Variants in ZNF692 observed in about 807,000 individuals in gnomAD.
The protein encoded by ZNF692 is zinc finger protein 692.
Under a neutral mutation model 49.0 loss-of-function variants are expected in ZNF692, and 41 were observed. The ratio of observed to expected loss-of-function variants is 0.84; its 90% confidence interval spans 0.65 to 1.08. The LOEUF (loss-of-function observed/expected upper bound fraction) is 1.08, where lower values mean the gene tolerates loss of function less well. Ranked by LOEUF, ZNF692 falls within the 50% of genes least tolerant of loss-of-function variation. The probability of loss-of-function intolerance (pLI) is 0.00; values close to 1 mark genes in which losing one functional copy is unlikely to be tolerated. For missense variants in ZNF692, 662 were observed against 662.2 expected (o/e 1.00, Z 0.00); for synonymous variants, 288 against 251.5 (o/e 1.15, Z -1.37).
chr1:248,853,505 A>T (rs944677895), intron 10 of ZNF692, among the ~76,000 whole-genome samples: 4 of 151,998 alleles, frequency 2.6e-5, no homozygotes, highest in African/African-American at 9.7e-5. Context: ...GATACCACCT[A>T]AGGGCCCTTC....
At chr1:248,857,734 C>G in intron 3 of ZNF692, 94 bp downstream of exon 3, 2 of 1,544,678 alleles carry the variant, frequency 1.3e-6, no homozygotes, top group Non-Finnish European at 1.8e-6. Context: ...CCTTCCCAAA[C>G]TTACTCAGGG....
Position 248,858,851 on chromosome 1 carries a change from TAATCC to T in ZNF692, c.-13+62_-13+66del, listed in dbSNP as rs1572242377. ...AATGCTGACAGTGAGTGGAGCGGAC[TAATCC>T]CAATGGCAGTTCCCAGGCTGCCCAG... On this transcript the variant is annotated intron_variant, in intron 1 of 11. Transcript: ENST00000306601. The surrounding 1 kb of genome is among the most constrained non-coding windows in gnomAD (Gnocchi z 4.3). 6.4e-6 allele frequency: 3 copies of T among 468,352 alleles called. No individual in the cohort carries two copies. In the East Asian group the frequency reaches 1.2e-4, roughly 19 times the overall value. 29.0% of individuals were successfully genotyped at this position (468,352 alleles called of 1,614,324 possible). A position where few individuals can be genotyped will look rare whatever the true frequency, so the allele number is the denominator to read the frequency against.
chr1:248,850,408 G>C lies in ZNF692; in HGVS notation c.1362C>G (p.Gly454=). Residue 454 remains glycine, a synonymous_variant, in exon 12 of 12, where the codon GGC becomes GGG. Transcript: ENST00000306601. ...CACTGTCTGGCTTCTCAAAGCGCTT[G>C]CCGCAGAATTCACAGGGGAAGCGCA... The part of the protein sequence containing the change: ...AALRFPCEFC[G]KRFEKPDSVA... The C allele has an allele frequency of 6.2e-7, 1 of 1,614,160 alleles. No homozygotes were observed. Among genetic ancestry groups the C allele is most frequent in the South Asian group, 1.1e-5 (1 of 91,086 alleles).
chr1:248,857,719 C>G, intron 3 of ZNF692, 109 bp downstream of exon 3: 4 of 1,521,454 alleles, frequency 2.6e-6, no homozygotes, highest in Non-Finnish European at 3.5e-6. Context: ...CCCAACTCAC[C>G]CCACCCTTCC....
rs777187560 is a variant in ZNF692 at position 248,856,414 on chromosome 1, C to G, written c.533G>C (p.Gly178Ala). Residue 178 changes from glycine to alanine, a missense_variant, in exon 6 of 12, where the codon GGA (glycine) becomes GCA (alanine). Physicochemically the swap from Gly to Ala is moderately conservative, Grantham distance 60 (BLOSUM62 0). Coordinates refer to ENST00000306601, the MANE Select transcript of ZNF692 (RefSeq NM_017865.4). ...AGGTGGGAAGGTCTCTGGTGGGGGTCCCACCCTCCTGCAGGCCCAAAGAAG... is the reference window on the plus strand; with the variant it reads ...AGGTGGGAAGGTCTCTGGTGGGGGTGCCACCCTCCTGCAGGCCCAAAGAAG... ...TQEARLPRRV[G>A]PPPETFPPPG... 1 of 1,613,496 alleles carries G rather than the reference C, an allele frequency of 6.2e-7. No individual in the cohort carries two copies. The highest frequency in any genetic ancestry group is 8.5e-7 in the Non-Finnish European group (1 of 1,179,590).
intron 10 of ZNF692, among the ~76,000 whole-genome samples, chr1:248,853,601 G>C (rs898727000): frequency 6.6e-6 from 1 of 152,136 alleles, no homozygotes; most frequent in Admixed American, 6.5e-5. Context: ...TTCTACAATA[G>C]CAACTCCTCC....
chr1:248,852,253 C>A (rs1022566695), intron 10 of ZNF692, among the ~76,000 whole-genome samples: 1 of 152,214 alleles, frequency 6.6e-6, no homozygotes, highest in Non-Finnish European at 1.5e-5. Flanking sequence ...GCCTCCAACA[C>A]CCCCAGCCTA....
chr1:248,856,666 T>A (rs180723128), intron 4 of ZNF692, 104 bp from the exon 5 acceptor site: 44 of 1,388,714 alleles, frequency 3.2e-5, no homozygotes, highest in South Asian at 1.6e-4. Flanking sequence ...CTTTTTTTTT[T>A]AAATAGAGAC....
Position 248,858,216 on chromosome 1 carries a change from C to A in ZNF692, c.94G>T (p.Gly32Cys). The A allele has an allele frequency of 1.3e-6, 2 of 1,592,920 alleles. No individual in the cohort carries two copies. The highest frequency in any genetic ancestry group is 1.1e-5 in the South Asian group (1 of 90,244). Residue 32 changes from glycine to cysteine, a missense_variant, in exon 2 of 12, where the codon GGC becomes TGC. Physicochemically the swap from Gly to Cys is radical, Grantham distance 159 (BLOSUM62 -3). Coordinates refer to ENST00000306601, the MANE Select transcript of ZNF692 (RefSeq NM_017865.4). This position sits in a 1 kb window ranked among gnomAD's most constrained non-coding sequence, Gnocchi z 4.3. ...AGGCACCACTGCTCCATGTGGCCGC[C>A]CAGGCGGATGCGGCACTTGCTGCGG... Reference protein sequence around the residue: ...ARRSKCRIRLGGHMEQWCLLK... With the variant: ...ARRSKCRIRLCGHMEQWCLLK...
Position 248,858,360 on chromosome 1 carries a change from C to T in ZNF692, c.-12-39G>A, listed in dbSNP as rs1002178502. On this transcript the variant is annotated intron_variant, in intron 1 of 11. Transcript: ENST00000306601. The surrounding 1 kb of genome is among the most constrained non-coding windows in gnomAD (Gnocchi z 4.3). ...GGGACGTCTTCAGCGCCCTGCCGAT[C>T]TCGGGGGTCGGGGACCCGGCTCCAC... 4 of 1,528,210 alleles carry T rather than the reference C, an allele frequency of 2.6e-6. No homozygotes were observed. The African/African-American group carries it at 4.1e-5, about 16-fold the overall frequency. 94.7% of individuals were successfully genotyped at this position (1,528,210 alleles called of 1,614,324 possible).
chr1:248,858,712 G>A lies in ZNF692; in HGVS notation c.-13+206C>T, dbSNP rs1017834857. 2.8e-6 allele frequency: 2 copies of A among 718,878 alleles called. No individual in the cohort carries two copies. Among genetic ancestry groups the A allele is most frequent in the African/African-American group, 3.5e-5 (2 of 56,912 alleles). The allele number at this position is 718,878 out of a possible 1,614,324, so 44.5% of individuals were successfully genotyped here. A position where few individuals can be genotyped will look rare whatever the true frequency, so the allele number is the denominator to read the frequency against. ...CTGGTTTCTAGGGGAAGGAAAGGTC[G>A]TGTCCTGGCGTGCAGCTGGGGGCGC... On this transcript the variant is annotated intron_variant, in intron 1 of 11. Coordinates refer to ENST00000306601, the MANE Select transcript of ZNF692 (RefSeq NM_017865.4). The surrounding 1 kb of genome is among the most constrained non-coding windows in gnomAD (Gnocchi z 4.3).
At position 248,858,944 on chromosome 1, in the gene ZNF692, C is replaced by T. The variant is rs959197727; in HGVS notation, c.-39G>A. On this transcript the variant is annotated 5_prime_UTR_variant, in exon 1 of 12. Transcript: ENST00000306601. The surrounding 1 kb of genome is among the most constrained non-coding windows in gnomAD (Gnocchi z 4.3). ...TGTGCGCCCCCACGCGCCCTCACCC[C>T]CACTGCGCCTGCGCCTGCGCCTCCC... The T allele has an allele frequency of 4.8e-6, 1 of 209,450 alleles. No homozygotes were observed. Among genetic ancestry groups the T allele is most frequent in the Non-Finnish European group, 9.9e-6 (1 of 101,474 alleles). 13.0% of individuals were successfully genotyped at this position (209,450 alleles called of 1,614,324 possible).
At chr1:248,854,988 T>C (rs529405384) in intron 9 of ZNF692, among the ~76,000 whole-genome samples, 61 of 152,274 alleles carry the variant, frequency 4.0e-4, no homozygotes, top group African/African-American at 1.3e-3. Context: ...TTGGACCCCT[T>C]GCCTTCTGTG....
In ZNF692 at chr1:248,850,387, G is replaced by C. The variant is rs529132580; in HGVS notation, c.1383C>G (p.Asp461Glu). 1.9e-5 allele frequency: 31 copies of C among 1,614,012 alleles called. No homozygotes were observed. The highest frequency in any genetic ancestry group is 2.6e-5 in the Non-Finnish European group (31 of 1,180,022). Residue 461 changes from aspartate (D) to glutamate (E), a missense_variant, in exon 12 of 12, where the codon GAC becomes GAG. By Grantham distance (45) the Asp-to-Glu change is conservative (BLOSUM62 2). Coordinates refer to ENST00000306601, the MANE Select transcript of ZNF692 (RefSeq NM_017865.4). ...TTTTGCTACGGTGGGCTGCAACACT[G>C]TCTGGCTTCTCAAAGCGCTTGCCGC... ...EFCGKRFEKP[D>E]SVAAHRSKSH... is the part of the protein sequence containing the mutation.
At chr1:248,851,030 C>T in intron 10 of ZNF692, 1 of 640,528 alleles carries the variant, frequency 1.6e-6, no homozygotes, top group East Asian at 3.2e-5. Context: ...GCCCGCCAAT[C>T]CCACTCAAAC....
At position 248,850,680 on chromosome 1, in the gene ZNF692, A is replaced by C. The variant is rs913581797; in HGVS notation, c.1253+2T>G. On this transcript the variant is annotated splice_donor_variant, in intron 11 of 11. Transcript: ENST00000306601. LOFTEE classifies it high-confidence loss of function. ...GCCCTCAGACCCCACCCCAGCACTC[A>C]CTGCAGGGGTTTTTCTCCAGTGTGG... The C allele has an allele frequency of 6.2e-7, 1 of 1,613,616 alleles. No individual in the cohort carries two copies. Among genetic ancestry groups the C allele is most frequent in the Non-Finnish European group, 8.5e-7 (1 of 1,179,826 alleles).
rs757178990 is a variant in ZNF692 at position 248,857,327 on chromosome 1, G to A, written c.382C>T (p.Pro128Ser). ...GGCTTGGGTGCCTCTGAAGGTGTAG[G>A]GCTCAAAGAGGGTCCCCAGGAGAAG... is the stretch of plus-strand genomic sequence containing the variant. ...HTFSWGPSLS[P>S]TPSEAPKPAS... The change falls in exon 4 of 12, where the codon CCT becomes TCT. Residue 128 changes from proline to serine, a missense_variant. Coordinates refer to ENST00000306601, the MANE Select transcript of ZNF692 (RefSeq NM_017865.4). 1 of 1,613,868 alleles carries A rather than the reference G, an allele frequency of 6.2e-7. No individual in the cohort carries two copies. Among genetic ancestry groups the A allele is most frequent in the Non-Finnish European group, 8.5e-7 (1 of 1,179,992 alleles).
intron 9 of ZNF692, 34 bp from the exon 10 acceptor site, chr1:248,854,085 G>C (rs986710386): frequency 1.9e-6 from 3 of 1,543,732 alleles, no homozygotes; most frequent in East Asian, 4.5e-5. Context: ...GGAGAGAAGA[G>C]GCAAAAGGAT....
At position 248,850,456 on chromosome 1, in the gene ZNF692, C is replaced by T; in HGVS notation, c.1314G>A (p.Lys438=). 6.2e-7 allele frequency: 1 copy of T among 1,613,598 alleles called. No homozygotes were observed. Among genetic ancestry groups the T allele is most frequent in the South Asian group, 1.1e-5 (1 of 91,010 alleles). ...QKASLNWHQR[K]HAETVAALRF... is the part of the protein sequence containing the mutation. Reference sequence around the variant, plus strand: ...GCAAGGCAGCCACCGTCTCTGCATGCTTGCGCTGGTGCCAGTTCAGGGAAG... The same window carrying T: ...GCAAGGCAGCCACCGTCTCTGCATGTTTGCGCTGGTGCCAGTTCAGGGAAG... Residue 438 remains lysine (K), a synonymous_variant, in exon 12 of 12, where the codon AAG becomes AAA. Coordinates refer to ENST00000306601, the MANE Select transcript of ZNF692 (RefSeq NM_017865.4).
Sources: allele counts gnomAD v4.1 joint callset (sites outside exome capture counted in the v4.1 genomes callset), GRCh38; gene constraint gnomAD v4.1.1; non-coding constraint Gnocchi (gnomAD v3.1); transcripts MANE v1.5; gene names NCBI Gene and HGNC (gene_info 2026-07-23, HGNC 2026-07-21).